MARK2: variants seen among roughly 807,000 people sequenced by gnomAD.
MARK2 encodes serine/threonine-protein kinase MARK2.
MARK2 carries 16 observed loss-of-function variants against 89.8 expected under a neutral mutation model. That is an observed-to-expected ratio of 0.18 (90% CI 0.12 to 0.27). The LOEUF is 0.27. Ranked by LOEUF, MARK2 falls within the 10% of genes least tolerant of loss-of-function variation. The probability of loss-of-function intolerance (pLI) is 1.00; values close to 1 mark genes in which losing one functional copy is unlikely to be tolerated. For missense variants in MARK2, 621 were observed against 1,049.9 expected, an observed-to-expected ratio of 0.59 and a Z score of 5.65; for synonymous variants, 382 against 399.5, an observed-to-expected ratio of 0.96 and a Z score of 0.52.
At chr11:63,872,409 A>G (rs928948) in intron 1 of MARK2, among the ~76,000 whole-genome samples, 88,422 of 152,072 alleles carry the variant, frequency 0.58, 26,723 homozygotes, top group East Asian at 0.89. Flanking sequence ...CACAGCCGGC[A>G]AAGCACATGA....
chr11:63,873,907 G>A (rs964490739), intron 1 of MARK2, among the ~76,000 whole-genome samples: 1 of 152,360 alleles, frequency 6.6e-6, no homozygotes, highest in Admixed American at 6.5e-5. Flanking sequence ...TCGGCCTCCC[G>A]AGGGACTGGG....
chr11:63,884,695 T>G (rs1478555120), intron 1 of MARK2, among the ~76,000 whole-genome samples: 1 of 152,200 alleles, frequency 6.6e-6, no homozygotes, highest in Admixed American at 6.5e-5. Flanking sequence ...GGTGGGAGCA[T>G]CCAGGCTTTC....
At chr11:63,897,239 G>T (rs764460998) in intron 3 of MARK2, among the ~76,000 whole-genome samples, 1 of 152,164 alleles carries the variant, frequency 6.6e-6, no homozygotes, top group Non-Finnish European at 1.5e-5. Context: ...CCCCATTACT[G>T]CCCCAGAGGG....
Position 63,895,253 on chromosome 11 carries a change from T to C in MARK2, c.149T>C (p.Ile50Thr), listed in dbSNP as rs373015711. The C allele has an allele frequency of 1.9e-6, 3 of 1,614,070 alleles. No homozygotes were observed. Among genetic ancestry groups the C allele is most frequent in the Non-Finnish European group, 2.5e-6 (3 of 1,180,004 alleles). The change falls in exon 2 of 19, where the codon ATT (isoleucine) becomes ACT (threonine). Residue 50 changes from isoleucine to threonine, a missense_variant. Ile to Thr is a moderately conservative substitution (Grantham distance 89). Transcript: ENST00000402010. Reference sequence around the variant, plus strand: ...ACCTCTGCTGATGAGCAGCCCCACATTGGAAACTACCGGCTCCTCAAGACC... The same window carrying C: ...ACCTCTGCTGATGAGCAGCCCCACACTGGAAACTACCGGCTCCTCAAGACC... ...SATSADEQPH[I>T]GNYRLLKTIG...
chr11:63,889,033 A>C (rs893016830), intron 1 of MARK2: 40 of 1,232,738 alleles, frequency 3.2e-5, no homozygotes, highest in Non-Finnish European at 3.9e-5. Context: ...CAAACATAGG[A>C]TCTTTAGAGA....
intron 1 of MARK2, among the ~76,000 whole-genome samples, chr11:63,885,470 C>T (rs1229277008): frequency 1.3e-5 from 2 of 151,896 alleles, no homozygotes; most frequent in Non-Finnish European, 2.9e-5. Context: ...GCCCAGGAGG[C>T]AGAGGTTGTA....
At chr11:63,906,145 G>GTGTGTA in intron 17 of MARK2, 31 bp downstream of exon 17, 1 of 1,297,228 alleles carries the variant, frequency 7.7e-7, no homozygotes, top group South Asian at 2.8e-5. Context: ...GTGTGTGTGT[G>GTGTGTA]TGTGTGTGTG....
chr11:63,895,085 TTA>T (rs1269778089), intron 1 of MARK2, 72 bp from the exon 2 acceptor site: 20 of 1,304,728 alleles, frequency 1.5e-5, no homozygotes, highest in Non-Finnish European at 2.2e-5. Flanking sequence ...CCCTCATCCC[TTA>T]TATATTTTGC....
chr11:63,875,967 G>A (rs1938727711), intron 1 of MARK2, among the ~76,000 whole-genome samples: 1 of 152,220 alleles, frequency 6.6e-6, no homozygotes, highest in Non-Finnish European at 1.5e-5. Context: ...TGGCCACACT[G>A]TGCACACGCA....
At chr11:63,878,088 A>G (rs1938872445) in intron 1 of MARK2, among the ~76,000 whole-genome samples, 1 of 152,206 alleles carries the variant, frequency 6.6e-6, no homozygotes, top group South Asian at 2.1e-4. Flanking sequence ...CAGCCCCCGC[A>G]TCGGTTGCCT....
At chr11:63,850,315 A>ATTTTTTTTTTTTTT (rs34074167) in intron 1 of MARK2, among the ~76,000 whole-genome samples, 55 of 95,764 alleles carry the variant, frequency 5.7e-4, no homozygotes, top group East Asian at 6.3e-4. Context: ...TACCTGGCTA[A>ATTTTTTTTTTTTTT]TTTTTTTTTT....
intron 1 of MARK2, among the ~76,000 whole-genome samples, chr11:63,884,928 G>A (rs183367368): frequency 4.5e-4 from 69 of 152,348 alleles, no homozygotes; most frequent in African/African-American, 1.5e-3. Context: ...ATGGCCATGC[G>A]CAGTGGCTCA....
chr11:63,839,367 C>T lies in MARK2; in HGVS notation c.-140C>T. 1.8e-6 allele frequency: 1 copy of T among 562,360 alleles called. No homozygotes were observed. The highest frequency in any genetic ancestry group is 3.1e-6 in the Non-Finnish European group (1 of 326,466). The allele number at this position is 562,360 out of a possible 1,614,324, so 34.8% of individuals were successfully genotyped here. On this transcript the variant is annotated 5_prime_UTR_variant, in exon 1 of 19. Coordinates refer to ENST00000402010, the MANE Select transcript of MARK2 (RefSeq NM_001039469.3). ...ATCCCCGGGCTGGCGTGAGCGGCTG[C>T]CCGGCCTCCCCGCACCCCCGGCCGG... is the stretch of plus-strand genomic sequence containing the variant.
intron 1 of MARK2, among the ~76,000 whole-genome samples, chr11:63,891,469 G>C (rs550720511): frequency 6.6e-6 from 1 of 152,308 alleles, no homozygotes; most frequent in African/African-American, 2.4e-5. Context: ...ACACAGACCA[G>C]CCCCTCGGTT....
chr11:63,901,935 A>G (rs966601891), intron 11 of MARK2, among the ~76,000 whole-genome samples: 2 of 151,544 alleles, frequency 1.3e-5, no homozygotes, highest in East Asian at 3.9e-4. Context: ...GAGTCTGGAC[A>G]TGTGTTCTTG....
Position 63,898,588 on chromosome 11 carries a change from C to T in MARK2, c.338-20C>T. The T allele has an allele frequency of 6.2e-7, 1 of 1,604,000 alleles. No homozygotes were observed. The highest frequency in any genetic ancestry group is 8.5e-7 in the Non-Finnish European group (1 of 1,170,754). On this transcript the variant is annotated intron_variant, in intron 4 of 18. Coordinates refer to ENST00000402010, the MANE Select transcript of MARK2 (RefSeq NM_001039469.3). ...GCCCCTGTTGCTTCTTGACTTAAGG[C>T]TTGGCCTTTTCTCTTGTAGTTAAAT...
intron 1 of MARK2, among the ~76,000 whole-genome samples, chr11:63,894,019 A>T (rs1164270546): frequency 6.6e-6 from 1 of 152,236 alleles, no homozygotes; most frequent in African/African-American, 2.4e-5. Flanking sequence ...TATTATGTTT[A>T]TATGCCTCTT....
At chr11:63,873,872 C>G (rs1204375434) in intron 1 of MARK2, among the ~76,000 whole-genome samples, 1 of 152,230 alleles carries the variant, frequency 6.6e-6, no homozygotes, top group African/African-American at 2.4e-5. Context: ...GTCTTGAACT[C>G]CCGAACTCAG....
chr11:63,876,316 A>G (rs1938752486), intron 1 of MARK2, among the ~76,000 whole-genome samples: 1 of 152,226 alleles, frequency 6.6e-6, no homozygotes, highest in South Asian at 2.1e-4. Context: ...ATGAGCTTTG[A>G]GTACAGAAGT....
Sources: gnomAD v4.1 joint callset for allele counts (sites outside exome capture counted in the v4.1 genomes callset) on GRCh38, gnomAD v4.1.1 for gene constraint, MANE v1.5 for transcripts, NCBI Gene and HGNC (gene_info 2026-07-23, HGNC 2026-07-21) for gene names.